LRIG1: variants seen among roughly 807,000 people sequenced by gnomAD.
LRIG1 encodes the protein leucine rich repeats and immunoglobulin like domains 1.
A neutral mutation model predicts 99.2 loss-of-function variants in LRIG1; 48 were observed. That is an observed-to-expected ratio of 0.48 (90% CI 0.38 to 0.62). The LOEUF (loss-of-function observed/expected upper bound fraction) is 0.62, where lower values mean the gene tolerates loss of function less well. Among genes scored for constraint, LRIG1 ranks in the 20% least tolerant of loss-of-function variants. The probability of loss-of-function intolerance (pLI) is 0.00; values close to 1 mark genes in which losing one functional copy is unlikely to be tolerated. For missense variants in LRIG1, 1,646 were observed against 1,434.4 expected (o/e 1.15, Z -2.38); for synonymous variants, 772 against 596.1 (o/e 1.29, Z -4.30).
At chr3:66,405,118 C>CG (rs1013410347) in intron 9 of LRIG1, 80 bp downstream of exon 9, 110 of 1,281,012 alleles carry the variant, frequency 8.6e-5, no homozygotes, top group Non-Finnish European at 8.7e-5. Context: ...CAGAGAGGCG[C>CG]GGGGGGCGCC....
intron 9 of LRIG1, among the ~76,000 whole-genome samples, chr3:66,400,605 C>T (rs1702016045): frequency 6.6e-6 from 1 of 152,168 alleles, no homozygotes; most frequent in African/African-American, 2.4e-5. Flanking sequence ...GGGAAGGGGA[C>T]TCTTGGTCCA....
At position 66,444,650 on chromosome 3, in the gene LRIG1, T is replaced by C. The variant is rs13321853; in HGVS notation, c.365+6909A>G. ...ATTCTCTTGTCCCATCCCAGACCCG[T>C]TGAACCAAGCCAGAAACGAGGGTAA... On this transcript the variant is annotated intron_variant, in intron 3 of 18. Coordinates refer to ENST00000273261, the MANE Select transcript of LRIG1 (RefSeq NM_015541.3). Among the ~76,000 whole-genome samples the C allele has an allele frequency of 4.6e-3, 705 of 152,276 alleles. 5 individuals carry two copies. The highest frequency in any genetic ancestry group is 0.016 in the African/African-American group (659 of 41,554).
intron 14 of LRIG1, 62 bp from the exon 15 acceptor site, chr3:66,383,463 G>T: frequency 1.4e-6 from 2 of 1,406,658 alleles, no homozygotes; most frequent in Non-Finnish European, 1.9e-6. Context: ...GGCTCTGCCC[G>T]GTCTTCTGGA....
In LRIG1 at chr3:66,386,236, T is replaced by G. The variant is rs1264582953; in HGVS notation, c.1534A>C (p.Ile512Leu). ...ETTMAMVGKD[I>L]RFTCSAASSS... ...CTGGCTGCTGAGCATGTAAACCGGA[T>G]GTCCTTGCCCACCATAGCCATGGTG... is the stretch of plus-strand genomic sequence containing the variant. Residue 512 changes from isoleucine to leucine, a missense_variant, in exon 13 of 19, where the codon ATC (isoleucine) becomes CTC (leucine). Transcript: ENST00000273261. 2.5e-6 allele frequency: 4 copies of G among 1,614,086 alleles called. No individual in the cohort carries two copies. The highest frequency in any genetic ancestry group is 3.4e-6 in the Non-Finnish European group (4 of 1,180,002).
At chr3:66,414,352 A>T (rs143692200) in intron 5 of LRIG1, among the ~76,000 whole-genome samples, 11 of 152,148 alleles carry the variant, frequency 7.2e-5, no homozygotes, top group African/African-American at 2.2e-4. Flanking sequence ...AGCTGAGATC[A>T]CACCACTGCA....
chr3:66,407,558 A>T, intron 7 of LRIG1, 67 bp from the exon 8 acceptor site: 1 of 1,581,238 alleles, frequency 6.3e-7, no homozygotes, highest in Non-Finnish European at 8.7e-7. Flanking sequence ...CCCCACCGGA[A>T]ATTGGGCCAC....
rs373492701 is a variant in LRIG1 at position 66,382,935 on chromosome 3, T to C, written c.2491+47A>G. The C allele has an allele frequency of 1.0e-5, 16 of 1,542,582 alleles. No individual in the cohort carries two copies. The African/African-American group carries it at 1.9e-4, about 18-fold the overall frequency. ...ACCCGGCCCAGTTCCCCAGCATCAC[T>C]GCCATTCCTCCCTCCTTGAAAGTCA... is the stretch of plus-strand genomic sequence containing the variant. On this transcript the variant is annotated intron_variant, in intron 15 of 18. Coordinates refer to ENST00000273261, the MANE Select transcript of LRIG1 (RefSeq NM_015541.3).
rs568793654 is a variant in LRIG1 at position 66,472,887 on chromosome 3, T to C, written c.219-10378A>G. Among the ~76,000 whole-genome samples the C allele has an allele frequency of 3.3e-5, 5 of 152,244 alleles. No individual in the cohort carries two copies. In the South Asian group the frequency reaches 1.0e-3, roughly 32 times the overall value. On this transcript the variant is annotated intron_variant, in intron 1 of 18. Coordinates refer to ENST00000273261, the MANE Select transcript of LRIG1 (RefSeq NM_015541.3). ...CTAGGACCAGGAAAGGATCGGACAT[T>C]TTGGGCCTTTTTAACTCTCATTTTG...
In LRIG1 at chr3:66,380,298, G is replaced by C. The variant is rs1451165565; in HGVS notation, c.3247C>G (p.Gln1083Glu). ...TPLTGQLPGK[Q>E]RVPLLLAPKS ...GGTGCCAACAGCAGTGGCACCCTCTGTTTCCCGGGGAGCTGTCCTGTCAGT... is the reference window on the plus strand; with the variant it reads ...GGTGCCAACAGCAGTGGCACCCTCTCTTTCCCGGGGAGCTGTCCTGTCAGT... Residue 1083 changes from glutamine (Q) to glutamate (E), a missense_variant, in exon 19 of 19, where the codon CAG becomes GAG. Physicochemically the swap from Gln to Glu is conservative, Grantham distance 29. Transcript: ENST00000273261. 1 of 1,613,706 alleles carries C rather than the reference G, an allele frequency of 6.2e-7. No homozygotes were observed. The highest frequency in any genetic ancestry group is 8.5e-7 in the Non-Finnish European group (1 of 1,179,710).
intron 2 of LRIG1, among the ~76,000 whole-genome samples, chr3:66,460,561 C>T (rs943747702): frequency 6.6e-5 from 10 of 152,172 alleles, no homozygotes; most frequent in Non-Finnish European, 1.2e-4. Flanking sequence ...ACAGAGACAC[C>T]ATGAATGCAC....
intron 3 of LRIG1, among the ~76,000 whole-genome samples, chr3:66,444,399 C>T (rs1301674526): frequency 6.6e-6 from 1 of 152,202 alleles, no homozygotes; most frequent in Non-Finnish European, 1.5e-5. Flanking sequence ...TCTCAGAAGC[C>T]ATTACCAGGG....
At chr3:66,404,019 TG>T (rs1395914549) in intron 9 of LRIG1, among the ~76,000 whole-genome samples, 2 of 152,186 alleles carry the variant, frequency 1.3e-5, no homozygotes, top group African/African-American at 2.4e-5. Flanking sequence ...GGTTAAAGGC[TG>T]GGGAAAATCA....
chr3:66,392,083 C>T (rs1222972185), intron 12 of LRIG1, among the ~76,000 whole-genome samples: 3 of 152,218 alleles, frequency 2.0e-5, no homozygotes, highest in Non-Finnish European at 4.4e-5. Flanking sequence ...CTGACTTCTT[C>T]CACTTAGCAT....
chr3:66,435,072 C>CGGCA (rs144125772), intron 3 of LRIG1, among the ~76,000 whole-genome samples: 10,515 of 151,756 alleles, frequency 0.069, 441 homozygotes, highest in South Asian at 0.15. Context: ...GGTTAAAGTA[C>CGGCA]GGCACATCCA....
chr3:66,407,602 TGCACAC>T (rs1702317259), intron 7 of LRIG1, 111 bp from the exon 8 acceptor site: 8 of 1,258,220 alleles, frequency 6.4e-6, no homozygotes, highest in African/African-American at 4.5e-5. Flanking sequence ...ATGACACAGA[TGCACAC>T]GCACGCGCGT....
At chr3:66,423,347 G>T (rs868066862) in intron 3 of LRIG1, among the ~76,000 whole-genome samples, 1 of 152,072 alleles carries the variant, frequency 6.6e-6, no homozygotes, top group Non-Finnish European at 1.5e-5. Flanking sequence ...GAGGTGGGCG[G>T]ATCACCTTAG....
At chr3:66,389,074 G>C (rs1049325185) in intron 12 of LRIG1, among the ~76,000 whole-genome samples, 2 of 152,064 alleles carry the variant, frequency 1.3e-5, no homozygotes, top group Non-Finnish European at 2.9e-5. Context: ...TAATGTGTAC[G>C]ACAACAGTAA....
chr3:66,467,246 C>T (rs3845903), intron 1 of LRIG1, among the ~76,000 whole-genome samples: 144,926 of 152,310 alleles, frequency 0.95, 69,286 homozygotes, highest in Non-Finnish European at 1. Context: ...ATCCCCACCA[C>T]TATCTAAATC....
At chr3:66,462,403 C>A (rs959008688) in intron 2 of LRIG1, 35 bp downstream of exon 2, 1 of 1,531,262 alleles carries the variant, frequency 6.5e-7, no homozygotes, top group Non-Finnish European at 9.0e-7. Flanking sequence ...AGCTCTCCAT[C>A]CTTCCATCCA....
Sources: allele counts gnomAD v4.1 joint callset (sites outside exome capture counted in the v4.1 genomes callset), GRCh38; gene constraint gnomAD v4.1.1; transcripts MANE v1.5; gene names NCBI Gene and HGNC (gene_info 2026-07-23, HGNC 2026-07-21).